The following GPM6B variants were observed in gnomAD, a reference collection of about 807,000 sequenced individuals.
GPM6B encodes the protein glycoprotein M6B.
A neutral mutation model predicts 27.2 loss-of-function variants in GPM6B; 4 were observed. That is an observed-to-expected ratio of 0.15 (90% CI 0.07 to 0.34). The LOEUF (loss-of-function observed/expected upper bound fraction) is 0.34. Among genes scored for constraint, GPM6B ranks in the 10% least tolerant of loss-of-function variants. The pLI is 1.00. For synonymous variants in GPM6B, 124 were observed against 103.1 expected (o/e 1.20, Z -1.23); for missense variants, 183 against 261.9 (o/e 0.70, Z 2.08).
chrX:13,906,299 T>C (rs991420498), intron 1 of GPM6B, among the ~76,000 whole-genome samples: 2 of 112,015 alleles, frequency 1.8e-5, no homozygotes, highest in Non-Finnish European at 3.8e-5. Context: ...TTGTTACAAA[T>C]TTGAGTAAGT....
At chrX:13,795,427 T>C in intron 2 of GPM6B, among the ~76,000 whole-genome samples, 1 of 111,676 alleles carries the variant, frequency 9.0e-6, no homozygotes, top group Non-Finnish European at 1.9e-5. Context: ...AAAACACTCC[T>C]CCATTCTCCA....
intron 1 of GPM6B, among the ~76,000 whole-genome samples, chrX:13,914,596 G>C (rs1019903114): frequency 7.1e-5 from 8 of 112,785 alleles, no homozygotes; most frequent in Non-Finnish European, 3.8e-5. Flanking sequence ...TGACCCCTTT[G>C]GGGAGGAGTG....
chrX:13,905,276 T>C (rs2050320092), intron 1 of GPM6B, among the ~76,000 whole-genome samples: 1 of 108,684 alleles, frequency 9.2e-6, no homozygotes, highest in African/African-American at 3.3e-5. Context: ...AATTCAATTA[T>C]TTGATGCTCA....
In GPM6B at chrX:13,871,886, G is replaced by C. The variant is rs113031428; in HGVS notation, c.-198+66441C>G. On this transcript the variant is annotated intron_variant, in intron 1 of 6. Coordinates refer to the GPM6B transcript ENST00000398361. The stretch of plus-strand genomic sequence containing the variant: ...AATGAGCAGTAGCCCTTGATTCCAA[G>C]GAAGGGTGACAGGGAACAGAGGTGC... Among the ~76,000 whole-genome samples the C allele has an allele frequency of 6.1e-3, 688 of 112,014 alleles. 4 individuals carry two copies. Among genetic ancestry groups the C allele is most frequent in the African/African-American group, 0.021 (649 of 30,853 alleles).
At chrX:13,820,825 G>A (rs770842291), upstream of GPM6B, among the ~76,000 whole-genome samples, 9 of 111,407 alleles carry the variant, frequency 8.1e-5, no homozygotes, top group Admixed American at 2.9e-4. Flanking sequence ...GGCACATAGC[G>A]GGTTCTCAAC....
At chrX:13,782,222 C>G (rs764290762) in intron 4 of GPM6B, among the ~76,000 whole-genome samples, 1 of 111,837 alleles carries the variant, frequency 8.9e-6, no homozygotes. Context: ...AGGGGGCTTT[C>G]GACTTTCTCC....
In GPM6B at chrX:13,846,757, T is replaced by C. The variant is rs749769192; in HGVS notation, c.-197-60949A>G. On this transcript the variant is annotated intron_variant, in intron 1 of 6. Transcript: ENST00000398361. ...ATCCACCCGCCTCGGCCTCCCAAAGTGCTGGGATTACAGGCGTGAGCCACT... is the reference window on the plus strand; with the variant it reads ...ATCCACCCGCCTCGGCCTCCCAAAGCGCTGGGATTACAGGCGTGAGCCACT... 7.5e-5 allele frequency among the ~76,000 whole-genome samples: 8 copies of C among 106,847 alleles called. 1 individual carries two copies. The highest frequency in any genetic ancestry group is 2.7e-4 in the African/African-American group (8 of 29,244). 92.8% of individuals were successfully genotyped at this position (106,847 alleles called of 115,157 possible).
upstream of GPM6B, chrX:13,817,319 CTT>C (rs1034979852): frequency 6.1e-5 from 45 of 738,219 alleles, no homozygotes; most frequent in Non-Finnish European, 6.7e-5. Context: ...CTCTCTCTCT[CTT>C]TCTCCCCACC....
chrX:13,861,043 C>T (rs369938082), intron 1 of GPM6B, among the ~76,000 whole-genome samples: 28 of 49,649 alleles, frequency 5.6e-4, no homozygotes, highest in African/African-American at 1.9e-3. Flanking sequence ...CACACACACA[C>T]ATATATACAT....
At chrX:13,864,122 TC>T (rs2049882401) in intron 1 of GPM6B, among the ~76,000 whole-genome samples, 1 of 112,436 alleles carries the variant, frequency 8.9e-6, no homozygotes, top group Non-Finnish European at 1.9e-5. Context: ...TGCTTGATTC[TC>T]CCACTTTGTA....
At chrX:13,859,583 C>A (rs905402145) in intron 1 of GPM6B, among the ~76,000 whole-genome samples, 66 of 109,750 alleles carry the variant, frequency 6.0e-4, no homozygotes, top group African/African-American at 2.2e-3. Flanking sequence ...CTTTTATATA[C>A]CAGACATGAT....
intron 1 of GPM6B, chrX:13,812,965 C>T (rs1050025595): frequency 9.1e-6 from 1 of 109,882 alleles, no homozygotes; most frequent in Non-Finnish European, 1.9e-5. Context: ...ACATATGTTC[C>T]GCACCATCTG....
chrX:13,789,250 A>C (rs1010469419), intron 2 of GPM6B, among the ~76,000 whole-genome samples: 1 of 112,147 alleles, frequency 8.9e-6, no homozygotes, highest in African/African-American at 3.2e-5. Flanking sequence ...TGTATCTTCT[A>C]TGTCAGTATA....
chrX:13,901,815 C>A (rs757406958), intron 1 of GPM6B, among the ~76,000 whole-genome samples: 59 of 111,624 alleles, frequency 5.3e-4, no homozygotes, highest in Middle Eastern at 4.6e-3. Context: ...AGTTGGACCT[C>A]CAGGGAGCTT....
chrX:13,803,885 C>G (rs1358997136), intron 2 of GPM6B, among the ~76,000 whole-genome samples: 1 of 111,877 alleles, frequency 8.9e-6, no homozygotes, highest in Non-Finnish European at 1.9e-5. Flanking sequence ...TAATGACTGC[C>G]TTGGCATTGC....
intron 1 of GPM6B, among the ~76,000 whole-genome samples, chrX:13,920,179 A>G (rs768172570): frequency 1.9e-5 from 2 of 103,976 alleles, no homozygotes; most frequent in South Asian, 9.2e-4. Context: ...AGGCAGGAGA[A>G]TCACTTGAAC....
intron 1 of GPM6B, among the ~76,000 whole-genome samples, chrX:13,868,837 T>C (rs1225261451): frequency 2.7e-5 from 3 of 112,309 alleles, no homozygotes; most frequent in East Asian, 5.5e-4. Flanking sequence ...ATAACCCACA[T>C]TTTTTCCCTC....
chrX:13,833,937 G>A (rs1256332276), intron 1 of GPM6B, among the ~76,000 whole-genome samples: 2 of 112,517 alleles, frequency 1.8e-5, no homozygotes, highest in Non-Finnish European at 3.8e-5. Context: ...ATGTCACCCA[G>A]GGCCCTGAGA....
At chrX:13,799,447 G>T (rs1286514796) in intron 2 of GPM6B, among the ~76,000 whole-genome samples, 3 of 106,415 alleles carry the variant, frequency 2.8e-5, no homozygotes, top group Non-Finnish European at 5.8e-5. Flanking sequence ...TGGCCAGACT[G>T]GTCTCAAACT....
Sources: allele counts gnomAD v4.1 joint callset (sites outside exome capture counted in the v4.1 genomes callset), GRCh38; gene constraint gnomAD v4.1.1; transcripts MANE v1.5; gene names NCBI Gene and HGNC (gene_info 2026-07-23, HGNC 2026-07-21).